The following RALA variants were observed in gnomAD, a reference collection of about 807,000 sequenced individuals.
RALA encodes the protein RAS like proto-oncogene A, also known as ras-related protein Ral-A.
A neutral mutation model predicts 24.0 loss-of-function variants in RALA; 5 were observed. The ratio of observed to expected loss-of-function variants is 0.21; its 90% CI spans 0.11 to 0.44. RALA has a LOEUF of 0.44. Among genes scored for constraint, RALA ranks in the 20% least tolerant of loss-of-function variants. RALA has a pLI of 0.99. For missense variants in RALA, 95 were observed against 241.2 expected, an observed-to-expected ratio of 0.39 and a Z score of 4.01; for synonymous variants, 77 against 83.8, an observed-to-expected ratio of 0.92 and a Z score of 0.44.
chr7:39,660,436 C>T (rs1792167898), intron 1 of RALA, among the ~76,000 whole-genome samples: 1 of 152,050 alleles, frequency 6.6e-6, no homozygotes, highest in Non-Finnish European at 1.5e-5. Flanking sequence ...GTGCTTAACT[C>T]AGAAGAATTC....
At chr7:39,688,980 C>T (rs143495306) in intron 2 of RALA, among the ~76,000 whole-genome samples, 7 of 152,074 alleles carry the variant, frequency 4.6e-5, no homozygotes, top group African/African-American at 1.4e-4. Flanking sequence ...AGAGTGTGAG[C>T]GAGCACACGC....
In RALA at chr7:39,706,323, G is replaced by C; in HGVS notation, c.*78G>C. 1 of 1,426,332 alleles carries C rather than the reference G, an allele frequency of 7.0e-7. No homozygotes were observed. Among genetic ancestry groups the C allele is most frequent in the Non-Finnish European group, 9.4e-7 (1 of 1,058,548 alleles). The allele number at this position is 1,426,332 out of a possible 1,614,324, so 88.4% of individuals were successfully genotyped here. A position where few individuals can be genotyped will look rare whatever the true frequency, so the allele number is the denominator to read the frequency against. On this transcript the variant is annotated 3_prime_UTR_variant, in exon 5 of 5. Coordinates refer to ENST00000005257, the MANE Select transcript of RALA (RefSeq NM_005402.4). ...AAGCATTGCCATTGAAGGCTTAATT[G>C]ACTGAAATTACTTTAACATTTTGGA...
chr7:39,628,376 T>TACACAC (rs36095637), intron 1 of RALA, among the ~76,000 whole-genome samples: 6,113 of 145,050 alleles, frequency 0.042, 357 homozygotes, highest in African/African-American at 0.13. Flanking sequence ...ACCTCATAAC[T>TACACAC]ACACACACAC....
intron 1 of RALA, among the ~76,000 whole-genome samples, chr7:39,675,375 A>T (rs572408565): frequency 1.3e-5 from 2 of 152,330 alleles, no homozygotes; most frequent in Admixed American, 6.5e-5. Flanking sequence ...ATTTTGGAGC[A>T]TGTCCGATCT....
rs1367844393 is a variant in RALA, at chr7:39,686,718, C to A, written c.51C>A (p.Val17=). The A allele has an allele frequency of 2.5e-6, 4 of 1,613,974 alleles. No individual in the cohort carries two copies. Among genetic ancestry groups the A allele is most frequent in the African/African-American group, 1.3e-5 (1 of 74,906 alleles). Residue 17 remains valine (V), a synonymous_variant, in exon 2 of 5, where the codon GTC becomes GTA. Transcript: ENST00000005257. ...AGAATTCTTTGGCTTTACACAAAGT[C>A]ATCATGGTGGGCAGTGGTGGCGTGG... ...KGQNSLALHK[V]IMVGSGGVGK... is the part of the protein sequence containing the mutation.
intron 1 of RALA, among the ~76,000 whole-genome samples, chr7:39,662,285 TC>T (rs1045236609): frequency 2.0e-5 from 3 of 152,156 alleles, no homozygotes; most frequent in Admixed American, 1.3e-4. Flanking sequence ...GGAGACATTT[TC>T]CCCCGTTGTC....
intron 1 of RALA, among the ~76,000 whole-genome samples, chr7:39,679,544 A>G (rs923730691): frequency 6.6e-6 from 1 of 152,138 alleles, no homozygotes; most frequent in African/African-American, 2.4e-5. Flanking sequence ...TTTTTTGCCC[A>G]ATTTCCTGCA....
At chr7:39,668,642 A>T (rs559569453) in intron 1 of RALA, among the ~76,000 whole-genome samples, 3 of 152,172 alleles carry the variant, frequency 2.0e-5, no homozygotes, top group Admixed American at 2.0e-4. Flanking sequence ...TACTAAAAAT[A>T]CAAAAATCAG....
chr7:39,696,527 T>C (rs576363697), intron 3 of RALA, among the ~76,000 whole-genome samples, 158 bp from the exon 4 acceptor site: 6 of 152,364 alleles, frequency 3.9e-5, no homozygotes, highest in African/African-American at 1.4e-4. Flanking sequence ...AGTTTGGACC[T>C]TAGTTGCTAA....
At chr7:39,692,329 C>T (rs1792835553) in intron 3 of RALA, among the ~76,000 whole-genome samples, 1 of 152,086 alleles carries the variant, frequency 6.6e-6, no homozygotes, top group African/African-American at 2.4e-5. Flanking sequence ...CTCAGTATCC[C>T]CAGTACCTAT....
At position 39,630,431 on chromosome 7, in the gene RALA, C is replaced by T. The variant is rs371901483; in HGVS notation, c.-38+6606C>T. On this transcript the variant is annotated intron_variant, in intron 1 of 4. Transcript: ENST00000005257. ...GTTCTCTCTATTTAAGAATATTAACCGTTTAATTTTGACATATGTTGCAGA... is the reference window on the plus strand; with the variant it reads ...GTTCTCTCTATTTAAGAATATTAACTGTTTAATTTTGACATATGTTGCAGA... Among the ~76,000 whole-genome samples, 10 of 152,022 alleles carry T rather than the reference C, an allele frequency of 6.6e-5. No individual in the cohort carries two copies. In the East Asian group the frequency reaches 7.7e-4, roughly 12 times the overall value.
At chr7:39,676,834 G>A (rs1013647947) in intron 1 of RALA, among the ~76,000 whole-genome samples, 2 of 152,154 alleles carry the variant, frequency 1.3e-5, no homozygotes, top group African/African-American at 2.4e-5. Context: ...CTGGATTGGA[G>A]ATCTGTGGTC....
intron 1 of RALA, among the ~76,000 whole-genome samples, chr7:39,641,802 C>T (rs1294394978): frequency 6.6e-6 from 1 of 152,102 alleles, no homozygotes; most frequent in Admixed American, 6.5e-5. Flanking sequence ...AAAAGGAAAT[C>T]ATTTTTATCA....
rs77668796 is a variant in RALA, at chr7:39,701,772, A to G, written c.499-4351A>G. 9.8e-5 allele frequency among the ~76,000 whole-genome samples: 15 copies of G among 152,370 alleles called. No homozygotes were observed. In the East Asian group the frequency reaches 2.9e-3, roughly 29 times the overall value. On this transcript the variant is annotated intron_variant, in intron 4 of 4. Transcript: ENST00000005257. The stretch of plus-strand genomic sequence containing the variant: ...TGCAGATTTTAAATCTAGTCATGAA[A>G]AAGTGTCATAGCCACCAGAGCTGGG...
chr7:39,665,713 A>G (rs1330703802), intron 1 of RALA, among the ~76,000 whole-genome samples: 1 of 150,852 alleles, frequency 6.6e-6, no homozygotes, highest in Admixed American at 6.6e-5. Context: ...TGATTTGGGT[A>G]GCTTTTCTGT....
intron 1 of RALA, among the ~76,000 whole-genome samples, chr7:39,640,588 TG>T (rs1791795849): frequency 6.6e-6 from 1 of 152,248 alleles, no homozygotes; most frequent in African/African-American, 2.4e-5. Flanking sequence ...GAGAGTGCTA[TG>T]TTTTTTTGTA....
At chr7:39,686,332 C>T (rs1212005804) in intron 1 of RALA, among the ~76,000 whole-genome samples, 1 of 152,124 alleles carries the variant, frequency 6.6e-6, no homozygotes, top group African/African-American at 2.4e-5. Flanking sequence ...AGCTGATACC[C>T]CATTATTGTC....
In RALA at chr7:39,706,359, T is replaced by C. The variant is rs772427066; in HGVS notation, c.*114T>C. On this transcript the variant is annotated 3_prime_UTR_variant, in exon 5 of 5. Coordinates refer to ENST00000005257, the MANE Select transcript of RALA (RefSeq NM_005402.4). ...CTTTAACATTTTGGAAATTGTTGTA[T>C]ATCACTAAAAGCATGAATTGGAACT... 5.2e-5 allele frequency: 62 copies of C among 1,184,506 alleles called. No homozygotes were observed. Among genetic ancestry groups the C allele is most frequent in the Non-Finnish European group, 6.6e-5 (55 of 834,378 alleles). 73.4% of individuals were successfully genotyped at this position (1,184,506 alleles called of 1,614,324 possible). A position where few individuals can be genotyped will look rare whatever the true frequency, so the allele number is the denominator to read the frequency against.
chr7:39,697,442 T>C (rs781733826), intron 4 of RALA: 4 of 456,730 alleles, frequency 8.8e-6, no homozygotes, highest in Non-Finnish European at 4.4e-6. Flanking sequence ...GTGGAACACC[T>C]GCAAGTACAT....
Sources: gnomAD v4.1 joint callset for allele counts (sites outside exome capture counted in the v4.1 genomes callset) on GRCh38, gnomAD v4.1.1 for gene constraint, MANE v1.5 for transcripts, NCBI Gene and HGNC (gene_info 2026-07-23, HGNC 2026-07-21) for gene names.